Variants in RBM20 observed in about 807,000 individuals in gnomAD.
RBM20 encodes RNA binding motif protein 20.
RBM20 carries 51 observed loss-of-function variants against 110.1 expected under a neutral mutation model. The ratio of observed to expected loss-of-function variants is 0.46; its 90% CI spans 0.37 to 0.59. The LOEUF (loss-of-function observed/expected upper bound fraction) is 0.59. Ranked by LOEUF, RBM20 falls within the 20% of genes least tolerant of loss-of-function variation. The pLI is 0.00. For synonymous variants in RBM20, 589 were observed against 618.2 expected, an observed-to-expected ratio of 0.95 and a Z score of 0.70; for missense variants, 1,512 against 1,574.9, an observed-to-expected ratio of 0.96 and a Z score of 0.68.
In RBM20 at chr10:110,781,631, C is replaced by T; in HGVS notation, c.1022C>T (p.Pro341Leu). The T allele has an allele frequency of 6.5e-7, 1 of 1,549,812 alleles. No individual in the cohort carries two copies. The highest frequency in any genetic ancestry group is 8.7e-7 in the Non-Finnish European group (1 of 1,145,572). The change falls in exon 2 of 14, where the codon CCA becomes CTA. Residue 341 changes from proline to leucine, a missense_variant. By Grantham distance (98) the Pro-to-Leu change is moderately conservative. Transcript: ENST00000369519. Reference sequence around the variant, plus strand: ...CTCACAGCAGGTCCCATGTGGCCTCCACCCCACAACCAGCCCTATGAGCTG... The same window carrying T: ...CTCACAGCAGGTCCCATGTGGCCTCTACCCCACAACCAGCCCTATGAGCTG... ...PDLTAGPMWP[P>L]PHNQPYELYD... is the part of the protein sequence containing the mutation.
chr10:110,771,618 G>A (rs934967397), intron 1 of RBM20, among the ~76,000 whole-genome samples: 1 of 152,222 alleles, frequency 6.6e-6, no homozygotes, highest in Non-Finnish European at 1.5e-5. Context: ...GGCTGATGGA[G>A]CAGAAGGGCA....
chr10:110,794,055 TA>T (rs1190419248), intron 5 of RBM20, among the ~76,000 whole-genome samples: 2 of 152,202 alleles, frequency 1.3e-5, no homozygotes, highest in Admixed American at 1.3e-4. Context: ...ACTTTTGATG[TA>T]CCACTCAGGG....
rs78004871 is a variant in RBM20, at chr10:110,651,189, A to G, written c.191+6544A>G. Among the ~76,000 whole-genome samples, 218 of 152,320 alleles carry G rather than the reference A, an allele frequency of 1.4e-3. 6 individuals are homozygous for G. The East Asian group carries it at 0.037, about 26-fold the overall frequency. Reference sequence around the variant, plus strand: ...TACCCAATGTAGAATGCCTCCCTCCATCTACTTCCTCCATCACCTGATACG... The same window carrying G: ...TACCCAATGTAGAATGCCTCCCTCCGTCTACTTCCTCCATCACCTGATACG... On this transcript the variant is annotated intron_variant, in intron 1 of 13. Transcript: ENST00000369519.
intron 7 of RBM20, among the ~76,000 whole-genome samples, chr10:110,808,767 C>T (rs906217160): frequency 1.3e-5 from 2 of 152,052 alleles, no homozygotes; most frequent in African/African-American, 4.8e-5. Context: ...TGTGTTTTTC[C>T]CAGCCCAACC....
intron 5 of RBM20, among the ~76,000 whole-genome samples, chr10:110,793,161 G>A (rs1844505347): frequency 6.6e-6 from 1 of 152,198 alleles, no homozygotes; most frequent in Non-Finnish European, 1.5e-5. Context: ...AAGGAAACTA[G>A]TTTGTCTCTG....
intron 1 of RBM20, among the ~76,000 whole-genome samples, chr10:110,659,244 T>G (rs1862066321): frequency 6.6e-6 from 1 of 152,216 alleles, no homozygotes; most frequent in South Asian, 2.1e-4. Flanking sequence ...GACAGACATT[T>G]ATGTTCAGAG....
chr10:110,823,673 C>A, intron 12 of RBM20, 59 bp downstream of exon 12: 1 of 1,520,840 alleles, frequency 6.6e-7, no homozygotes, highest in Non-Finnish European at 8.9e-7. Context: ...AGTTCCATAG[C>A]AACCTCAAGA....
At chr10:110,717,563 G>C (rs762265025) in intron 1 of RBM20, among the ~76,000 whole-genome samples, 4 of 152,202 alleles carry the variant, frequency 2.6e-5, no homozygotes, top group Non-Finnish European at 4.4e-5. Context: ...GGTGGAGAGA[G>C]TGTGGGCTTT....
intron 1 of RBM20, among the ~76,000 whole-genome samples, chr10:110,733,146 G>A (rs1420865322): frequency 3.3e-5 from 5 of 152,300 alleles, no homozygotes; most frequent in East Asian, 1.9e-4. Flanking sequence ...TACAGCCAGC[G>A]ACAAACAATG....
intron 1 of RBM20, among the ~76,000 whole-genome samples, chr10:110,779,510 T>G (rs1452806714): frequency 6.6e-6 from 1 of 152,216 alleles, no homozygotes; most frequent in African/African-American, 2.4e-5. Context: ...CTCCCTCAGT[T>G]CTGGGAGCCT....
intron 1 of RBM20, among the ~76,000 whole-genome samples, chr10:110,690,997 G>T (rs1311930419): frequency 1.3e-5 from 2 of 152,232 alleles, no homozygotes; most frequent in Non-Finnish European, 2.9e-5. Flanking sequence ...AAATTCATAT[G>T]TTGAGATACT....
At chr10:110,680,698 C>G (rs1239093395) in intron 1 of RBM20, among the ~76,000 whole-genome samples, 18 of 152,188 alleles carry the variant, frequency 1.2e-4, no homozygotes, top group Admixed American at 1.2e-3. Context: ...GAGGCTGTGA[C>G]CCACCTTTCA....
chr10:110,776,108 G>T (rs890117776), intron 1 of RBM20, among the ~76,000 whole-genome samples: 2 of 152,156 alleles, frequency 1.3e-5, no homozygotes, highest in African/African-American at 4.8e-5. Context: ...TTCTTGGACT[G>T]GCCAGGTCTG....
intron 1 of RBM20, among the ~76,000 whole-genome samples, chr10:110,717,770 G>T (rs1254311035): frequency 6.6e-6 from 1 of 152,096 alleles, no homozygotes; most frequent in Admixed American, 6.5e-5. Flanking sequence ...ACCTCACATG[G>T]TCCTACTGTG....
At chr10:110,666,378 C>T (rs1297441866) in intron 1 of RBM20, among the ~76,000 whole-genome samples, 1 of 152,096 alleles carries the variant, frequency 6.6e-6, no homozygotes. Context: ...TGCAGTGGCT[C>T]ATGCCTGTAA....
At chr10:110,717,670 T>G (rs1863040003) in intron 1 of RBM20, among the ~76,000 whole-genome samples, 2 of 152,354 alleles carry the variant, frequency 1.3e-5, no homozygotes, top group South Asian at 4.1e-4. Flanking sequence ...TGTTCTGTAG[T>G]GGATCCTGGC....
intron 1 of RBM20, among the ~76,000 whole-genome samples, chr10:110,744,331 G>GA (rs1370648991): frequency 6.6e-6 from 1 of 152,206 alleles, no homozygotes; most frequent in East Asian, 1.9e-4. Flanking sequence ...CAGGCCCTCA[G>GA]AATCTCCAGG....
In RBM20 at chr10:110,663,074, C is replaced by G. The variant is rs554535971; in HGVS notation, c.191+18429C>G. ...CCGCCTCCCAGGTTCAAGCAATTCT[C>G]CTGCCTCAGCCTCCCAAGTAACTGG... On this transcript the variant is annotated intron_variant, in intron 1 of 13. Coordinates refer to ENST00000369519, the MANE Select transcript of RBM20 (RefSeq NM_001134363.3). Among the ~76,000 whole-genome samples the G allele has an allele frequency of 2.4e-4, 36 of 152,264 alleles. No homozygotes were observed. In the East Asian group the frequency reaches 6.9e-3, roughly 29 times the overall value.
At chr10:110,708,290 C>T (rs376145034) in intron 1 of RBM20, among the ~76,000 whole-genome samples, 129 of 152,288 alleles carry the variant, frequency 8.5e-4, no homozygotes, top group African/African-American at 3.1e-3. Flanking sequence ...ATCAGCTACC[C>T]AATAATTCAG....
Sources: allele counts gnomAD v4.1 joint callset (sites outside exome capture counted in the v4.1 genomes callset), GRCh38; gene constraint gnomAD v4.1.1; transcripts MANE v1.5; gene names NCBI Gene and HGNC (gene_info 2026-07-23, HGNC 2026-07-21).